The following IMMP2L variants were observed in gnomAD, a reference collection of about 807,000 sequenced individuals.
IMMP2L encodes the protein mitochondrial inner membrane protease subunit 2.
A neutral mutation model predicts 19.3 loss-of-function variants in IMMP2L; 18 were observed. The observed-to-expected ratio is 0.93, with a 90% CI of 0.64 to 1.38. The LOEUF is 1.38. Ranked by LOEUF, IMMP2L falls within the 40% of genes most tolerant of loss-of-function variation. The probability of loss-of-function intolerance (pLI) is 0.00; values close to 1 mark genes in which losing one functional copy is unlikely to be tolerated. For synonymous variants in IMMP2L, 76 were observed against 73.0 expected (o/e 1.04, Z -0.21); for missense variants, 233 against 218.2 (o/e 1.07, Z -0.43).
chr7:111,429,408 T>C (rs62464571), intron 3 of IMMP2L, among the ~76,000 whole-genome samples: 3,016 of 152,040 alleles, frequency 0.02, 68 homozygotes, highest in Admixed American at 0.034. Context: ...ATGCCTCCTC[T>C]GGCTTGGCAG....
At chr7:111,434,815 A>C (rs774053992) in intron 3 of IMMP2L, among the ~76,000 whole-genome samples, 12 of 151,782 alleles carry the variant, frequency 7.9e-5, no homozygotes, top group African/African-American at 2.7e-4. Flanking sequence ...CGGCCTCCCA[A>C]AGTGCTGGGA....
intron 1 of IMMP2L, among the ~76,000 whole-genome samples, chr7:111,545,832 G>A (rs1238764361): frequency 6.6e-6 from 1 of 152,010 alleles, no homozygotes; most frequent in Admixed American, 6.6e-5. Flanking sequence ...ATACTCAAAA[G>A]AGGAATACAA....
intron 3 of IMMP2L, among the ~76,000 whole-genome samples, chr7:111,319,271 T>G (rs150725786): frequency 0.011 from 1,619 of 152,246 alleles, 29 homozygotes; most frequent in African/African-American, 0.036. Flanking sequence ...ATGTTCTATA[T>G]AGCTTAAAGA....
At chr7:110,837,707 G>A (rs898269803) in intron 5 of IMMP2L, among the ~76,000 whole-genome samples, 1 of 152,106 alleles carries the variant, frequency 6.6e-6, no homozygotes, top group Non-Finnish European at 1.5e-5. Context: ...AGAGAAAACC[G>A]ATTTTTAGTT....
chr7:111,407,679 A>T (rs1044112564), intron 3 of IMMP2L, among the ~76,000 whole-genome samples: 2 of 152,024 alleles, frequency 1.3e-5, no homozygotes, highest in East Asian at 1.9e-4. Flanking sequence ...GCAAATGGCC[A>T]TGGGGAGTAT....
In IMMP2L at chr7:111,351,700, C is replaced by T. The variant is rs1345759057; in HGVS notation, c.239+135538G>A. Among the ~76,000 whole-genome samples, 7 of 151,794 alleles carry T rather than the reference C, an allele frequency of 4.6e-5. No individual in the cohort carries two copies. The East Asian group carries it at 1.2e-3, about 25-fold the overall frequency. ...ATGTGATTCCAAAAACAAAAGGCAC[C>T]CACTCACTGTACTTTGTTATCTAAT... On this transcript the variant is annotated intron_variant, in intron 3 of 5. Transcript: ENST00000405709.
intron 5 of IMMP2L, among the ~76,000 whole-genome samples, chr7:110,791,269 G>A (rs548574712): frequency 9.2e-5 from 14 of 151,668 alleles, no homozygotes; most frequent in African/African-American, 2.4e-4. Context: ...AGCTCTTAGG[G>A]AGCAGCCTTT....
At chr7:111,554,226 T>C (rs557790111) in intron 1 of IMMP2L, among the ~76,000 whole-genome samples, 3 of 152,284 alleles carry the variant, frequency 2.0e-5, no homozygotes, top group Admixed American at 1.3e-4. Context: ...GTCTAATATA[T>C]AATAAACCAG....
At position 111,113,334 on chromosome 7, in the gene IMMP2L, C is replaced by T. The variant is rs187034638; in HGVS notation, c.240-149769G>A. Among the ~76,000 whole-genome samples the T allele has an allele frequency of 1.7e-3, 260 of 152,216 alleles. 2 individuals are homozygous for T. The highest frequency in any genetic ancestry group is 1.5e-3 in the Non-Finnish European group (100 of 68,010). On this transcript the variant is annotated intron_variant, in intron 3 of 5. Transcript: ENST00000405709. ...CAGCATATCTATGCTTCAAAACCATCCCTCCTGAGATTGATAAAAGCATTT... is the reference window on the plus strand; with the variant it reads ...CAGCATATCTATGCTTCAAAACCATTCCTCCTGAGATTGATAAAAGCATTT...
intron 3 of IMMP2L, among the ~76,000 whole-genome samples, chr7:111,375,649 C>T (rs1232919649): frequency 2.0e-5 from 3 of 151,902 alleles, no homozygotes; most frequent in South Asian, 2.1e-4. Flanking sequence ...CTCAGCCTCC[C>T]GAGTAGCTAG....
chr7:110,896,814 T>TC (rs1487314696), intron 4 of IMMP2L, among the ~76,000 whole-genome samples: 2 of 147,522 alleles, frequency 1.4e-5, no homozygotes, highest in Admixed American at 6.8e-5. Flanking sequence ...GCATTCTGCT[T>TC]TTTTTTTTTA....
At chr7:110,843,002 G>A (rs898187597) in intron 5 of IMMP2L, among the ~76,000 whole-genome samples, 1 of 151,918 alleles carries the variant, frequency 6.6e-6, no homozygotes, top group African/African-American at 2.4e-5. Flanking sequence ...TAGCTATATC[G>A]AATCAGATAA....
chr7:111,257,281 A>C (rs188926826), intron 3 of IMMP2L, among the ~76,000 whole-genome samples: 125 of 152,234 alleles, frequency 8.2e-4, no homozygotes, highest in African/African-American at 2.8e-3. Context: ...GTGTTATTCA[A>C]TTACTGTGTT....
At chr7:110,795,839 C>A (rs952968663) in intron 5 of IMMP2L, among the ~76,000 whole-genome samples, 1 of 152,028 alleles carries the variant, frequency 6.6e-6, no homozygotes, top group African/African-American at 2.4e-5. Flanking sequence ...CTTTCTTACC[C>A]CCAAGGAGAG....
intron 5 of IMMP2L, among the ~76,000 whole-genome samples, chr7:110,734,480 C>T (rs1796483703): frequency 6.6e-6 from 1 of 152,116 alleles, no homozygotes; most frequent in Non-Finnish European, 1.5e-5. Flanking sequence ...CTTCTTTTGA[C>T]TGCTTATAGT....
chr7:111,445,174 T>C (rs1458998219), intron 3 of IMMP2L, among the ~76,000 whole-genome samples: 2 of 151,956 alleles, frequency 1.3e-5, no homozygotes, highest in Non-Finnish European at 2.9e-5. Flanking sequence ...TTCTCTAGAT[T>C]TATAGGGAAA....
At chr7:110,741,281 C>T (rs988968307) in intron 5 of IMMP2L, among the ~76,000 whole-genome samples, 4 of 151,998 alleles carry the variant, frequency 2.6e-5, no homozygotes, top group Admixed American at 6.6e-5. Flanking sequence ...ACCTGTTCCC[C>T]CAAAACCCAT....
intron 3 of IMMP2L, among the ~76,000 whole-genome samples, chr7:111,128,334 T>G (rs1194668751): frequency 1.3e-5 from 2 of 152,216 alleles, no homozygotes; most frequent in South Asian, 4.1e-4. Context: ...ACTGTGTAAT[T>G]TGGTAAAGTC....
At chr7:110,914,653 A>G (rs890393289) in intron 4 of IMMP2L, among the ~76,000 whole-genome samples, 8 of 152,176 alleles carry the variant, frequency 5.3e-5, no homozygotes, top group African/African-American at 1.7e-4. Flanking sequence ...TCCTGCTTCA[A>G]TTTTAGCAAA....
Sources: gnomAD v4.1 joint callset for allele counts (sites outside exome capture counted in the v4.1 genomes callset) on GRCh38, gnomAD v4.1.1 for gene constraint, MANE v1.5 for transcripts, NCBI Gene and HGNC (gene_info 2026-07-23, HGNC 2026-07-21) for gene names.